SCFD2: variants seen among roughly 807,000 people sequenced by gnomAD.
The protein encoded by SCFD2 is sec1 family domain-containing protein 2.
SCFD2 carries 54 observed loss-of-function variants against 58.9 expected under a neutral mutation model. The observed-to-expected ratio is 0.92, with a 90% CI of 0.74 to 1.15. The LOEUF (loss-of-function observed/expected upper bound fraction) is 1.15. Ranked by LOEUF, SCFD2 falls within the 50% of genes most tolerant of loss-of-function variation. The probability of loss-of-function intolerance (pLI) is 0.00; values close to 1 mark genes in which losing one functional copy is unlikely to be tolerated. For missense variants in SCFD2, 805 were observed against 836.6 expected (o/e 0.96, Z 0.47); for synonymous variants, 321 against 335.9 (o/e 0.96, Z 0.49).
intron 2 of SCFD2, among the ~76,000 whole-genome samples, chr4:53,333,890 A>C (rs937602525): frequency 6.4e-5 from 9 of 140,756 alleles, no homozygotes; most frequent in African/African-American, 2.1e-4. Flanking sequence ...CAATGAACTC[A>C]AACAAATTTA....
At chr4:53,291,844 A>T (rs1205193123) in intron 3 of SCFD2, among the ~76,000 whole-genome samples, 1 of 152,156 alleles carries the variant, frequency 6.6e-6, no homozygotes, top group Non-Finnish European at 1.5e-5. Context: ...CAACCAGCTG[A>T]TGTTTGACAA....
chr4:52,906,547 C>T (rs1205949216), intron 7 of SCFD2, among the ~76,000 whole-genome samples: 1 of 152,202 alleles, frequency 6.6e-6, no homozygotes, highest in Non-Finnish European at 1.5e-5. Context: ...ACCAACCAGG[C>T]ACTGCAACAG....
chr4:53,235,385 T>C (rs1399100982), intron 4 of SCFD2, among the ~76,000 whole-genome samples: 3 of 152,206 alleles, frequency 2.0e-5, no homozygotes, highest in African/African-American at 7.2e-5. Flanking sequence ...AAATTCCATG[T>C]TTATAACAAA....
At chr4:53,179,289 A>C (rs1727458610) in intron 4 of SCFD2, among the ~76,000 whole-genome samples, 1 of 152,232 alleles carries the variant, frequency 6.6e-6, no homozygotes, top group Non-Finnish European at 1.5e-5. Flanking sequence ...CCATCAGACT[A>C]ACAGCTGATC....
intron 2 of SCFD2, among the ~76,000 whole-genome samples, chr4:53,328,885 C>G (rs551634915): frequency 1.3e-5 from 2 of 152,172 alleles, no homozygotes; most frequent in East Asian, 3.9e-4. Flanking sequence ...TCAGTGGGTG[C>G]GCGCACCATG....
chr4:53,292,128 CAT>C (rs1415627710), intron 3 of SCFD2, among the ~76,000 whole-genome samples: 2 of 152,030 alleles, frequency 1.3e-5, no homozygotes, highest in Non-Finnish European at 2.9e-5. Flanking sequence ...CCATTCAGCA[CAT>C]AGGCATGGGC....
chr4:53,187,940 G>C (rs1456245314), intron 4 of SCFD2, among the ~76,000 whole-genome samples: 5 of 152,100 alleles, frequency 3.3e-5, no homozygotes, highest in Admixed American at 2.6e-4. Context: ...CCATTGTTCA[G>C]GTAGAATATA....
At chr4:53,079,048 A>G (rs1282990651) in intron 5 of SCFD2, among the ~76,000 whole-genome samples, 1 of 152,182 alleles carries the variant, frequency 6.6e-6, no homozygotes, top group African/African-American at 2.4e-5. Context: ...TCACATAACT[A>G]TAGAGGTTGA....
In SCFD2 at chr4:52,963,950, T is replaced by C. The variant is rs1325401210; in HGVS notation, c.1562-43080A>G. Among the ~76,000 whole-genome samples, 3 of 152,256 alleles carry C rather than the reference T, an allele frequency of 2.0e-5. No homozygotes were observed. The East Asian group carries it at 5.8e-4, about 29-fold the overall frequency. ...AAAATCAAGAGATGCCTAAGAAAAA[T>C]TACACATGAGAATGAAGGACTAGTC... is the stretch of plus-strand genomic sequence containing the variant. On this transcript the variant is annotated intron_variant, in intron 5 of 8. Coordinates refer to ENST00000401642, the MANE Select transcript of SCFD2 (RefSeq NM_152540.4).
At chr4:53,210,969 G>A (rs1256858426) in intron 4 of SCFD2, among the ~76,000 whole-genome samples, 1 of 152,022 alleles carries the variant, frequency 6.6e-6, no homozygotes, top group Non-Finnish European at 1.5e-5. Flanking sequence ...GACGGGCCAG[G>A]CATGGTGGCT....
intron 6 of SCFD2, among the ~76,000 whole-genome samples, chr4:52,918,927 T>C (rs989597800): frequency 2.0e-5 from 3 of 152,192 alleles, no homozygotes; most frequent in African/African-American, 4.8e-5. Flanking sequence ...ATCCCCCCAA[T>C]GTACACACAT....
chr4:52,964,689 G>GAC (rs148501809), intron 5 of SCFD2, among the ~76,000 whole-genome samples: 36,171 of 149,168 alleles, frequency 0.24, 4,645 homozygotes, highest in Middle Eastern at 0.41. Flanking sequence ...AAATGTGAGG[G>GAC]ACACACACAC....
chr4:53,350,579 G>C (rs931967963), intron 2 of SCFD2, among the ~76,000 whole-genome samples: 14 of 152,086 alleles, frequency 9.2e-5, no homozygotes, highest in Non-Finnish European at 1.9e-4. Flanking sequence ...TGAAAACATA[G>C]GACTCCCAAA....
At chr4:53,020,984 A>C (rs1186414374) in intron 5 of SCFD2, among the ~76,000 whole-genome samples, 12 of 152,182 alleles carry the variant, frequency 7.9e-5, no homozygotes, top group Admixed American at 6.5e-4. Context: ...CCACCTCATC[A>C]TGTAACCCTA....
intron 5 of SCFD2, among the ~76,000 whole-genome samples, chr4:52,934,932 A>G (rs1720098102): frequency 6.6e-6 from 1 of 152,228 alleles, no homozygotes; most frequent in South Asian, 2.1e-4. Context: ...ACTGTCTGCA[A>G]TGATGAAAAT....
At chr4:53,056,387 C>T (rs1723340166) in intron 5 of SCFD2, among the ~76,000 whole-genome samples, 1 of 152,152 alleles carries the variant, frequency 6.6e-6, no homozygotes, top group African/African-American at 2.4e-5. Context: ...GACTGGGCTT[C>T]ATCAAGTCTC....
At chr4:53,164,788 C>CAAAAAAAAAAA (rs767167356) in intron 4 of SCFD2, among the ~76,000 whole-genome samples, 1 of 97,662 alleles carries the variant, frequency 1.0e-5, no homozygotes, top group Non-Finnish European at 2.0e-5. Context: ...TCTGGAGTCT[C>CAAAAAAAAAAA]AAAAAAAAAA....
intron 4 of SCFD2, among the ~76,000 whole-genome samples, chr4:53,151,784 C>T (rs1374709940): frequency 6.6e-6 from 1 of 152,208 alleles, no homozygotes; most frequent in African/African-American, 2.4e-5. Flanking sequence ...TTATTTGGCT[C>T]ACAGTTCTGC....
At chr4:53,059,922 T>C (rs1263811487) in intron 5 of SCFD2, among the ~76,000 whole-genome samples, 3 of 152,158 alleles carry the variant, frequency 2.0e-5, no homozygotes, top group Non-Finnish European at 4.4e-5. Context: ...CTACAGTAAC[T>C]AGATACATAA....
Sources: allele counts gnomAD v4.1 joint callset (sites outside exome capture counted in the v4.1 genomes callset), GRCh38; gene constraint gnomAD v4.1.1; transcripts MANE v1.5; gene names NCBI Gene and HGNC (gene_info 2026-07-23, HGNC 2026-07-21).